NAV2: variants seen among roughly 807,000 people sequenced by gnomAD.
NAV2 encodes the protein helicase, APC down-regulated 1.
NAV2 carries 54 observed loss-of-function variants against 223.2 expected under a neutral mutation model. The ratio of observed to expected loss-of-function variants is 0.24; its 90% CI spans 0.19 to 0.30. The LOEUF (loss-of-function observed/expected upper bound fraction) is 0.30. Among genes scored for constraint, NAV2 ranks in the 10% least tolerant of loss-of-function variants. NAV2 has a pLI of 1.00. For missense variants in NAV2, 2,806 were observed against 3,147.5 expected (o/e 0.89, Z 2.60); for synonymous variants, 1,279 against 1,239.3 (o/e 1.03, Z -0.67).
In NAV2 at chr11:20,096,301, C is replaced by T. The variant is rs1337875745; in HGVS notation, c.6012+534C>T. ...ATTTCTCTATTCTTTTTAATCACAT[C>T]ATTAGATTGGGTGTTTGCCATGGGA... On this transcript the variant is annotated intron_variant, in intron 30 of 37. Transcript: ENST00000349880. 4.6e-5 allele frequency among the ~76,000 whole-genome samples: 7 copies of T among 152,180 alleles called. No individual in the cohort carries two copies. The South Asian group carries it at 8.3e-4, about 18-fold the overall frequency.
intron 1 of NAV2, among the ~76,000 whole-genome samples, chr11:19,561,371 T>C (rs544173555): frequency 6.6e-6 from 1 of 152,250 alleles, no homozygotes; most frequent in Non-Finnish European, 1.5e-5. Context: ...CCACCTGTTA[T>C]TTTGGGAAAA....
At chr11:19,811,762 G>T (rs2058844959) in intron 1 of NAV2, among the ~76,000 whole-genome samples, 1 of 152,124 alleles carries the variant, frequency 6.6e-6, no homozygotes, top group Non-Finnish European at 1.5e-5. Flanking sequence ...TATGCAGATA[G>T]CCTTTTGTGA....
At chr11:19,559,955 G>A (rs987923806) in intron 1 of NAV2, among the ~76,000 whole-genome samples, 2 of 152,160 alleles carry the variant, frequency 1.3e-5, no homozygotes, top group Admixed American at 6.5e-5. Context: ...CTGGAATCCC[G>A]ATTTCTCTAG....
chr11:19,515,352 C>G (rs1300551844), intron 1 of NAV2, among the ~76,000 whole-genome samples: 1 of 152,188 alleles, frequency 6.6e-6, no homozygotes, highest in Admixed American at 6.5e-5. Context: ...TATTCCATGC[C>G]TGAGAGGGAA....
At chr11:19,514,761 C>T (rs763464407) in intron 1 of NAV2, among the ~76,000 whole-genome samples, 16 of 152,202 alleles carry the variant, frequency 1.1e-4, no homozygotes, top group Admixed American at 2.0e-4. Flanking sequence ...CTCCTGCCCG[C>T]AGCAGCTGCT....
chr11:19,968,865 C>G (rs1246371639), intron 10 of NAV2, among the ~76,000 whole-genome samples: 5 of 152,160 alleles, frequency 3.3e-5, no homozygotes, highest in Non-Finnish European at 5.9e-5. Context: ...TCTTTCCCCC[C>G]AGAGTGCTCC....
intron 1 of NAV2, among the ~76,000 whole-genome samples, chr11:19,422,932 CT>C (rs1850677473): frequency 1.3e-5 from 2 of 152,174 alleles, no homozygotes; most frequent in Admixed American, 1.3e-4. Context: ...GTGGATGAGA[CT>C]TCCTCTCTCT....
intron 1 of NAV2, among the ~76,000 whole-genome samples, chr11:19,788,406 C>T (rs2057295107): frequency 6.6e-6 from 1 of 152,348 alleles, no homozygotes. Flanking sequence ...TCCTCCTCTT[C>T]TGCATTCATT....
intron 22 of NAV2, among the ~76,000 whole-genome samples, chr11:20,072,929 C>A (rs1461628912): frequency 6.6e-6 from 1 of 152,130 alleles, no homozygotes; most frequent in East Asian, 1.9e-4. Flanking sequence ...CCCTTTATTT[C>A]CTTCTCTTGC....
At chr11:19,375,880 G>A (rs945461838) in intron 1 of NAV2, among the ~76,000 whole-genome samples, 6 of 152,008 alleles carry the variant, frequency 3.9e-5, no homozygotes, top group Non-Finnish European at 7.4e-5. Context: ...CACAAGATTC[G>A]TTTTTTATTA....
chr11:19,642,666 T>C (rs1366208696), intron 1 of NAV2, among the ~76,000 whole-genome samples: 1 of 152,206 alleles, frequency 6.6e-6, no homozygotes, highest in Non-Finnish European at 1.5e-5. Context: ...ATAAGATCTT[T>C]GCTCTCAGCA....
intron 1 of NAV2, among the ~76,000 whole-genome samples, chr11:19,827,935 G>C (rs2059725695): frequency 7.0e-6 from 1 of 142,850 alleles, no homozygotes; most frequent in African/African-American, 2.5e-5. Context: ...AGCCTAGGTA[G>C]TAGAGCGGAA....
At chr11:19,430,507 C>A (rs187592047) in intron 1 of NAV2, among the ~76,000 whole-genome samples, 1 of 152,350 alleles carries the variant, frequency 6.6e-6, no homozygotes, top group Non-Finnish European at 1.5e-5. Context: ...GAGTGAGCAG[C>A]AAGCCTAGCT....
intron 1 of NAV2, among the ~76,000 whole-genome samples, chr11:19,364,540 G>A (rs972296468): frequency 4.6e-5 from 7 of 152,324 alleles, no homozygotes; most frequent in East Asian, 3.9e-4. Context: ...CTAGTCATAT[G>A]TGAATGGGTC....
intron 1 of NAV2, among the ~76,000 whole-genome samples, chr11:19,408,602 C>G (rs1370450643): frequency 6.6e-6 from 1 of 152,210 alleles, no homozygotes; most frequent in Non-Finnish European, 1.5e-5. Flanking sequence ...TTACGCCTGC[C>G]AGGTTCTGTG....
intron 1 of NAV2, among the ~76,000 whole-genome samples, chr11:19,418,855 T>C (rs1590169282): frequency 6.6e-6 from 1 of 152,084 alleles, no homozygotes; most frequent in Non-Finnish European, 1.5e-5. Flanking sequence ...GGTTAGGCTA[T>C]AGTGGGAGTC....
chr11:19,504,806 C>T (rs575584374), intron 1 of NAV2: 1 of 152,316 alleles, frequency 6.6e-6, no homozygotes, highest in South Asian at 2.1e-4. Flanking sequence ...AAGTAATTCA[C>T]ATTTTTGAGC....
intron 1 of NAV2, among the ~76,000 whole-genome samples, chr11:19,383,833 C>T (rs569094739): frequency 5.9e-5 from 9 of 152,312 alleles, no homozygotes; most frequent in Non-Finnish European, 8.8e-5. Context: ...AGACAATATG[C>T]GTCAAAACCT....
chr11:19,478,353 A>C (rs2632029), intron 1 of NAV2, among the ~76,000 whole-genome samples: 1 of 152,002 alleles, frequency 6.6e-6, no homozygotes, highest in Non-Finnish European at 1.5e-5. Flanking sequence ...GTGCCTGCAA[A>C]AATTGCTGAT....
Sources: gnomAD v4.1 joint callset for allele counts (sites outside exome capture counted in the v4.1 genomes callset) on GRCh38, gnomAD v4.1.1 for gene constraint, MANE v1.5 for transcripts, NCBI Gene and HGNC (gene_info 2026-07-23, HGNC 2026-07-21) for gene names.